The following CDH13 variants were observed in gnomAD, a reference collection of about 807,000 sequenced individuals.
CDH13 encodes cadherin-13.
A neutral mutation model predicts 63.8 loss-of-function variants in CDH13; 24 were observed. The observed-to-expected ratio is 0.38, with a 90% CI of 0.27 to 0.53. The LOEUF is 0.53. Ranked by LOEUF, CDH13 falls within the 20% of genes least tolerant of loss-of-function variation. CDH13 has a pLI of 0.85. For synonymous variants in CDH13, 503 were observed against 355.3 expected (o/e 1.42, Z -4.67); for missense variants, 1,049 against 903.1 (o/e 1.16, Z -2.07).
Position 82,860,151 on chromosome 16 carries a change from C to T in CDH13, c.157+1678C>T, listed in dbSNP as rs1597824962. Among the ~76,000 whole-genome samples the T allele has an allele frequency of 2.6e-5, 4 of 152,044 alleles. No individual in the cohort carries two copies. In the South Asian group the frequency reaches 6.2e-4, roughly 24 times the overall value. On this transcript the variant is annotated intron_variant, in intron 2 of 13. Transcript: ENST00000567109. Reference sequence around the variant, plus strand: ...TTTTATTTTTTTTCCAAGTGATTATCCCAAATGGCATCTATGTTAACATGC... The same window carrying T: ...TTTTATTTTTTTTCCAAGTGATTATTCCAAATGGCATCTATGTTAACATGC...
chr16:83,789,336 TC>T (rs1916098196), intron 13 of CDH13, among the ~76,000 whole-genome samples: 1 of 96,836 alleles, frequency 1.0e-5, no homozygotes, highest in Non-Finnish European at 2.2e-5. Context: ...TTAGTAGCTT[TC>T]TTTTTTTTTG....
At position 82,858,024 on chromosome 16, in the gene CDH13, G is replaced by A. The variant is rs548032823; in HGVS notation, c.46-338G>A. Among the ~76,000 whole-genome samples the A allele has an allele frequency of 8.9e-4, 136 of 152,172 alleles. 4 individuals carry two copies. In the South Asian group the frequency reaches 0.026, roughly 29 times the overall value. ...TCTTTGCTTGTATAAAAATGAAGTT[G>A]GTTTTAGCTTAGGCATCATGGAAAA... is the stretch of plus-strand genomic sequence containing the variant. On this transcript the variant is annotated intron_variant, in intron 1 of 13. Coordinates refer to ENST00000567109, the MANE Select transcript of CDH13 (RefSeq NM_001257.5).
intron 10 of CDH13, among the ~76,000 whole-genome samples, chr16:83,739,767 T>C (rs1246764846): frequency 1.3e-5 from 2 of 152,272 alleles, no homozygotes; most frequent in East Asian, 3.9e-4. Context: ...AACCAATGCA[T>C]GTTAAAGAAG....
Position 82,741,294 on chromosome 16 carries a change from A to G in CDH13, c.45+114157A>G, listed in dbSNP as rs552387530. Among the ~76,000 whole-genome samples the G allele has an allele frequency of 9.2e-5, 14 of 152,118 alleles. 1 individual carries two copies. The highest frequency in any genetic ancestry group is 2.7e-4 in the African/African-American group (11 of 41,492). On this transcript the variant is annotated intron_variant, in intron 1 of 13. Coordinates refer to ENST00000567109, the MANE Select transcript of CDH13 (RefSeq NM_001257.5). ...TTACTTGTCTGTCTTTCCACATGTT[A>G]TTTCCTTTGCTGGGACACTCTCTTT... is the stretch of plus-strand genomic sequence containing the variant.
At chr16:83,440,618 C>T (rs1310362223) in intron 6 of CDH13, among the ~76,000 whole-genome samples, 1 of 151,986 alleles carries the variant, frequency 6.6e-6, no homozygotes, top group African/African-American at 2.4e-5. Context: ...AACCGTATCT[C>T]TACTAAAAAT....
chr16:83,126,695 T>C (rs558764326), intron 4 of CDH13, among the ~76,000 whole-genome samples: 3 of 152,324 alleles, frequency 2.0e-5, no homozygotes, highest in East Asian at 3.9e-4. Flanking sequence ...AGGAACTTAC[T>C]GTATCAGACA....
intron 2 of CDH13, among the ~76,000 whole-genome samples, chr16:82,982,701 G>A (rs80294398): frequency 0.019 from 2,838 of 152,224 alleles, 36 homozygotes; most frequent in South Asian, 0.025. Context: ...GTTGCAGGTC[G>A]TCTCCCTGTG....
intron 4 of CDH13, among the ~76,000 whole-genome samples, chr16:83,131,097 T>A (rs1424979040): frequency 6.7e-6 from 1 of 149,612 alleles, no homozygotes; most frequent in Non-Finnish European, 1.5e-5. Context: ...TTTTCCGTAA[T>A]ACGAGGGAAT....
intron 3 of CDH13, among the ~76,000 whole-genome samples, chr16:83,113,153 AG>A (rs1481253176): frequency 1.3e-5 from 2 of 152,258 alleles, no homozygotes; most frequent in East Asian, 3.8e-4. Context: ...GTTTAACAAA[AG>A]GGAGAATTTT....
chr16:83,698,082 T>C (rs532993704), intron 10 of CDH13, among the ~76,000 whole-genome samples: 1 of 152,362 alleles, frequency 6.6e-6, no homozygotes, highest in East Asian at 1.9e-4. Flanking sequence ...GGTCTTCAAG[T>C]GGGCCTGGCA....
At chr16:83,134,826 C>CAT (rs2036212417) in intron 4 of CDH13, among the ~76,000 whole-genome samples, 1 of 152,094 alleles carries the variant, frequency 6.6e-6, no homozygotes, top group Non-Finnish European at 1.5e-5. Context: ...TTGCCAAATA[C>CAT]ATATATATGC....
intron 3 of CDH13, among the ~76,000 whole-genome samples, chr16:83,041,335 C>T (rs1597205845): frequency 6.6e-6 from 1 of 151,640 alleles, no homozygotes; most frequent in Non-Finnish European, 1.5e-5. Flanking sequence ...TGCAAACATG[C>T]AATTTAAAAG....
intron 10 of CDH13, among the ~76,000 whole-genome samples, chr16:83,744,611 C>T (rs541583024): frequency 4.6e-5 from 7 of 152,182 alleles, no homozygotes; most frequent in Non-Finnish European, 7.4e-5. Flanking sequence ...TCCAGGGGAC[C>T]GTGTGAGTCA....
At chr16:83,494,948 A>C in intron 7 of CDH13, among the ~76,000 whole-genome samples, 1 of 152,356 alleles carries the variant, frequency 6.6e-6, no homozygotes, top group Non-Finnish European at 1.5e-5. Flanking sequence ...AAGGCACTTC[A>C]AGTTATAGGA....
At chr16:82,787,098 CAT>C in intron 1 of CDH13, among the ~76,000 whole-genome samples, 1 of 152,162 alleles carries the variant, frequency 6.6e-6, no homozygotes, top group Non-Finnish European at 1.5e-5. Context: ...TATTTTATCT[CAT>C]AAGACAAAAT....
At chr16:83,278,256 C>T (rs17685278) in intron 5 of CDH13, among the ~76,000 whole-genome samples, 3 of 152,148 alleles carry the variant, frequency 2.0e-5, no homozygotes, top group Non-Finnish European at 4.4e-5. Context: ...ACTCCTTTAT[C>T]TCTCATTCCC....
At chr16:82,639,322 T>G in intron 1 of CDH13, 1 of 1,445,116 alleles carries the variant, frequency 6.9e-7, no homozygotes, top group African/African-American at 1.4e-5. Flanking sequence ...CCCGGGGTCA[T>G]TTGTGTTCTT....
rs116245475 is a variant in CDH13, at chr16:83,604,008, G to A, written c.1101+1414G>A. 4.0e-3 allele frequency among the ~76,000 whole-genome samples: 605 copies of A among 152,088 alleles called. 7 individuals carry two copies. The highest frequency in any genetic ancestry group is 0.014 in the African/African-American group (564 of 41,456). On this transcript the variant is annotated intron_variant, in intron 8 of 13. Transcript: ENST00000567109. ...TTTTATCATGAGACAGCACTAGGGG[G>A]GTGGGTGCTAAACTATTAGAAAGCA...
chr16:83,057,107 C>T (rs2031026122), intron 3 of CDH13, among the ~76,000 whole-genome samples: 1 of 152,150 alleles, frequency 6.6e-6, no homozygotes, highest in Non-Finnish European at 1.5e-5. Context: ...GCTGGGATTA[C>T]AGGCACGTGC....
Sources: gnomAD v4.1 joint callset for allele counts (sites outside exome capture counted in the v4.1 genomes callset) on GRCh38, gnomAD v4.1.1 for gene constraint, MANE v1.5 for transcripts, NCBI Gene and HGNC (gene_info 2026-07-23, HGNC 2026-07-21) for gene names.